Variants in ST6GALNAC2 observed in about 807,000 individuals in gnomAD.
The protein encoded by ST6GALNAC2 is alpha-N-acetylgalactosaminide alpha-2,6-sialyltransferase 2.
ST6GALNAC2 carries 42 observed loss-of-function variants against 38.7 expected under a neutral mutation model. That is an observed-to-expected ratio of 1.09 (90% CI 0.85 to 1.40). ST6GALNAC2 has a LOEUF of 1.40. ST6GALNAC2 is among the 40% of genes most tolerant of loss of function. The pLI is 0.00. For synonymous variants in ST6GALNAC2, 233 were observed against 209.0 expected (o/e 1.11, Z -0.99); for missense variants, 506 against 481.7 (o/e 1.05, Z -0.47).
At chr17:76,583,601 CCTTTT>C (rs1467172301) in intron 1 of ST6GALNAC2, among the ~76,000 whole-genome samples, 11 of 140,556 alleles carry the variant, frequency 7.8e-5, no homozygotes, top group African/African-American at 5.2e-5. Flanking sequence ...TTGGTGAAGG[CCTTTT>C]TTTTTTTTTT....
chr17:76,574,149 CG>C (rs991131612), intron 3 of ST6GALNAC2, among the ~76,000 whole-genome samples: 9 of 152,162 alleles, frequency 5.9e-5, no homozygotes, highest in South Asian at 2.1e-4. Flanking sequence ...GGCCCACTGG[CG>C]GGGGCAGCCC....
intron 1 of ST6GALNAC2, among the ~76,000 whole-genome samples, chr17:76,582,520 G>A (rs1480152937): frequency 2.0e-5 from 3 of 151,974 alleles, no homozygotes; most frequent in South Asian, 2.1e-4. Context: ...AAAACATAAC[G>A]TTGACAATGG....
Position 76,573,282 on chromosome 17 carries a change from C to T in ST6GALNAC2, c.443G>A (p.Cys148Tyr), listed in dbSNP as rs1013517228. Residue 148 changes from cysteine to tyrosine, a missense_variant, in exon 4 of 9, where the codon TGT (cysteine) becomes TAT (tyrosine). Coordinates refer to ENST00000225276, the MANE Select transcript of ST6GALNAC2 (RefSeq NM_006456.3). The surrounding 1 kb of genome is among the most constrained non-coding windows in gnomAD (Gnocchi z 5.1). ...GTTGCCCACCACGGCACACCGGATA[C>T]ACTTTGGAGGGGTGTCCCTGGGCGG... The part of the protein sequence containing the change: ...FAPPRDTPPK[C>Y]IRCAVVGNGG... 3.1e-6 allele frequency: 5 copies of T among 1,609,968 alleles called. No individual in the cohort carries two copies. In the South Asian group the frequency reaches 3.3e-5, roughly 11 times the overall value.
intron 6 of ST6GALNAC2, 29 bp downstream of exon 6, chr17:76,570,536 C>T (rs1311088010): frequency 1.3e-6 from 2 of 1,538,102 alleles, no homozygotes; most frequent in East Asian, 2.3e-5. Context: ...CTCTGCCACG[C>T]CCCACACCAC....
At position 76,572,635 on chromosome 17, in the gene ST6GALNAC2, ACCTGT is replaced by A; in HGVS notation, c.666_669+1del. 6.2e-7 allele frequency: 1 copy of A among 1,614,004 alleles called. No individual in the cohort carries two copies. The highest frequency in any genetic ancestry group is 8.5e-7 in the Non-Finnish European group (1 of 1,179,994). ...CAATGGCATGCCCGCCAGAGGCCTC[ACCTGT>A]CCTTGTGGCACGGAGGTGAAGCCCA... On this transcript the variant is annotated splice_donor_variant and coding_sequence_variant, in exon 5 of 9. Coordinates refer to ENST00000225276, the MANE Select transcript of ST6GALNAC2 (RefSeq NM_006456.3). LOFTEE classifies it high-confidence loss of function.
intron 2 of ST6GALNAC2, 81 bp downstream of exon 2, chr17:76,578,675 G>C: frequency 7.6e-7 from 1 of 1,316,824 alleles, no homozygotes; most frequent in Non-Finnish European, 1.1e-6. Context: ...TCTCATGAGA[G>C]TGTTCTCGTT....
At chr17:76,582,890 G>A (rs12600489) in intron 1 of ST6GALNAC2, among the ~76,000 whole-genome samples, 63,826 of 152,036 alleles carry the variant, frequency 0.42, 15,898 homozygotes, top group East Asian at 0.57. Context: ...CCCGCATTGG[G>A]GTTTAAGCTA....
chr17:76,579,837 C>T (rs919153762), intron 1 of ST6GALNAC2, among the ~76,000 whole-genome samples: 1 of 152,166 alleles, frequency 6.6e-6, no homozygotes, highest in Non-Finnish European at 1.5e-5. Context: ...GACCCTATGA[C>T]CTGGGACTTC....
chr17:76,573,211 G>A lies in ST6GALNAC2; in HGVS notation c.514C>T (p.His172Tyr), dbSNP rs763696309. Reference protein sequence around the residue: ...GSRQGPNIDAHDYVFRLNGAV... With the variant: ...GSRQGPNIDAYDYVFRLNGAV... ...CCCTCATACCTGAATACATAGTCATGGGCATCGATGTTGGGACCCTGGCGG... is the reference window on the plus strand; with the variant it reads ...CCCTCATACCTGAATACATAGTCATAGGCATCGATGTTGGGACCCTGGCGG... Residue 172 changes from histidine (H) to tyrosine (Y), a missense_variant, in exon 4 of 9, where the codon CAT becomes TAT. Physicochemically the swap from His to Tyr is moderately conservative, Grantham distance 83. Coordinates refer to ENST00000225276, the MANE Select transcript of ST6GALNAC2 (RefSeq NM_006456.3). This position sits in a 1 kb window ranked among gnomAD's most constrained non-coding sequence, Gnocchi z 5.1. 14 of 1,610,832 alleles carry A rather than the reference G, an allele frequency of 8.7e-6. No individual in the cohort carries two copies. Among genetic ancestry groups the A allele is most frequent in the Non-Finnish European group, 1.1e-5 (13 of 1,178,310 alleles).
rs925358213 is a variant in ST6GALNAC2 at position 76,567,353 on chromosome 17, A to G, written c.957+100T>C. 5.7e-5 allele frequency: 48 copies of G among 843,140 alleles called. No individual in the cohort carries two copies. The African/African-American group carries it at 7.9e-4, about 14-fold the overall frequency. The allele number at this position is 843,140 out of a possible 1,614,324, so 52.2% of individuals were successfully genotyped here. On this transcript the variant is annotated intron_variant, in intron 8 of 8. Transcript: ENST00000225276. The stretch of plus-strand genomic sequence containing the variant: ...ACTGGGGATTCCACGAACAGAGGCC[A>G]AGAGTCCCAGCTCCGAGGTAAGGGA...
intron 5 of ST6GALNAC2, chr17:76,571,009 A>C: frequency 4.9e-6 from 1 of 205,184 alleles, no homozygotes; most frequent in South Asian, 8.9e-5. Flanking sequence ...CAGATCACTC[A>C]CTCTGGATGA....
intron 1 of ST6GALNAC2, among the ~76,000 whole-genome samples, chr17:76,581,256 C>G (rs868763711): frequency 6.6e-6 from 1 of 152,132 alleles, no homozygotes; most frequent in Non-Finnish European, 1.5e-5. Context: ...CACATAATCC[C>G]GTAGTTCCTG....
In ST6GALNAC2 at chr17:76,573,370, G is replaced by T; in HGVS notation, c.362-7C>A. ...CTCAGGGTGGAGGCGATGACTGTGG[G>T]TGCAGATGGGGAGCAGCCATGAGGA... On this transcript the variant is annotated splice_polypyrimidine_tract_variant and splice_region_variant and intron_variant, in intron 3 of 8. Transcript: ENST00000225276. This position sits in a 1 kb window ranked among gnomAD's most constrained non-coding sequence, Gnocchi z 5.1. 1 of 1,524,596 alleles carries T rather than the reference G, an allele frequency of 6.6e-7. No homozygotes were observed. The highest frequency in any genetic ancestry group is 1.2e-5 in the South Asian group (1 of 81,378). The allele number at this position is 1,524,596 out of a possible 1,614,324, so 94.4% of individuals were successfully genotyped here.
chr17:76,579,015 G>T (rs12450319), intron 1 of ST6GALNAC2, 199 bp from the exon 2 acceptor site: 9 of 372,068 alleles, frequency 2.4e-5, no homozygotes, highest in African/African-American at 2.1e-5. Context: ...TGCCTCCTGG[G>T]TTCAAGTGAT....
In ST6GALNAC2 at chr17:76,573,433, T is replaced by A; in HGVS notation, c.362-70A>T. The A allele has an allele frequency of 7.1e-7, 1 of 1,399,620 alleles. No individual in the cohort carries two copies. The highest frequency in any genetic ancestry group is 9.4e-7 in the Non-Finnish European group (1 of 1,065,096). 86.7% of individuals were successfully genotyped at this position (1,399,620 alleles called of 1,614,324 possible). ...GGGGCACCTGGGGCCTTCCCTAGGC[T>A]GGTTCTGGTGCCCCATCTCCCCTGA... On this transcript the variant is annotated intron_variant, in intron 3 of 8. Coordinates refer to ENST00000225276, the MANE Select transcript of ST6GALNAC2 (RefSeq NM_006456.3). The surrounding 1 kb of genome is among the most constrained non-coding windows in gnomAD (Gnocchi z 5.1).
intron 1 of ST6GALNAC2, 95 bp downstream of exon 1, chr17:76,585,589 G>A: frequency 7.4e-7 from 1 of 1,359,952 alleles, no homozygotes; most frequent in Non-Finnish European, 9.5e-7. Context: ...AGGTTGGGCT[G>A]AGGGCTGCGG....
intron 2 of ST6GALNAC2, among the ~76,000 whole-genome samples, chr17:76,576,006 G>A (rs1461482991): frequency 6.6e-6 from 1 of 152,226 alleles, no homozygotes; most frequent in Non-Finnish European, 1.5e-5. Flanking sequence ...CGCTTTGGGA[G>A]GTCAAGGCGG....
At chr17:76,567,073 A>C (rs2143285925) in intron 8 of ST6GALNAC2, among the ~76,000 whole-genome samples, 1 of 152,328 alleles carries the variant, frequency 6.6e-6, no homozygotes, top group East Asian at 1.9e-4. Flanking sequence ...TCCCCATAAA[A>C]GAATGTCCCT....
Position 76,579,981 on chromosome 17 carries a change from C to T in ST6GALNAC2, c.126-1165G>A, listed in dbSNP as rs148926101. Among the ~76,000 whole-genome samples the T allele has an allele frequency of 4.9e-3, 753 of 152,340 alleles. 7 individuals carry two copies. Among genetic ancestry groups the T allele is most frequent in the African/African-American group, 0.016 (674 of 41,566 alleles). On this transcript the variant is annotated intron_variant, in intron 1 of 8. Transcript: ENST00000225276. ...TTCCTGGGTTTGCAACCTGTCTCCACCACTTGGCTGCTGTGTGATCTTGGG... is the reference window on the plus strand; with the variant it reads ...TTCCTGGGTTTGCAACCTGTCTCCATCACTTGGCTGCTGTGTGATCTTGGG...
Sources: gnomAD v4.1 joint callset for allele counts (sites outside exome capture counted in the v4.1 genomes callset) on GRCh38, gnomAD v4.1.1 for gene constraint, Gnocchi (gnomAD v3.1) non-coding constraint, MANE v1.5 for transcripts, NCBI Gene and HGNC (gene_info 2026-07-23, HGNC 2026-07-21) for gene names.